Variants in EBF1 observed in about 807,000 individuals in gnomAD.
EBF1 encodes transcription factor COE1.
A neutral mutation model predicts 68.4 loss-of-function variants in EBF1; 10 were observed. That is an observed-to-expected ratio of 0.15 (90% CI 0.09 to 0.25). EBF1 has a LOEUF of 0.25. Among genes scored for constraint, EBF1 ranks in the 10% least tolerant of loss-of-function variants. The probability of loss-of-function intolerance (pLI) is 1.00; values close to 1 mark genes in which losing one functional copy is unlikely to be tolerated. For missense variants in EBF1, 509 were observed against 794.4 expected (o/e 0.64, Z 4.32); for synonymous variants, 298 against 299.8 (o/e 0.99, Z 0.06).
intron 10 of EBF1, among the ~76,000 whole-genome samples, chr5:158,758,866 T>A (rs1056297040): frequency 2.0e-5 from 3 of 152,138 alleles, no homozygotes; most frequent in Non-Finnish European, 4.4e-5. Context: ...CTCAAAAATG[T>A]GGAGCTAGAA....
intron 6 of EBF1, among the ~76,000 whole-genome samples, chr5:158,895,368 A>T (rs1471354640): frequency 2.6e-5 from 4 of 152,340 alleles, no homozygotes; most frequent in African/African-American, 9.6e-5. Flanking sequence ...TCAAAATAAA[A>T]TTGTAACGAT....
intron 10 of EBF1, among the ~76,000 whole-genome samples, chr5:158,769,836 G>A (rs2127649470): frequency 6.6e-6 from 1 of 152,190 alleles, no homozygotes; most frequent in South Asian, 2.1e-4. Flanking sequence ...GGTTCATTTG[G>A]AGTAATATTT....
rs58435135 is a variant in EBF1, at chr5:158,695,988, CAAA to C, written c.*3120_*3122del. On this transcript the variant is annotated 3_prime_UTR_variant, in exon 16 of 16. Transcript: ENST00000313708. The stretch of plus-strand genomic sequence containing the variant: ...AAAGTTTTTACAGCTTGAATTTTTG[CAAA>C]AAAAAAAAAAAAATTTAACAATCTC... The C allele has an allele frequency of 8.6e-5, 13 of 151,312 alleles. No individual in the cohort carries two copies. The highest frequency in any genetic ancestry group is 1.6e-4 in the Non-Finnish European group (11 of 70,634). 9.4% of individuals were successfully genotyped at this position (151,312 alleles called of 1,614,324 possible).
intron 8 of EBF1, among the ~76,000 whole-genome samples, chr5:158,798,881 C>G (rs191108015): frequency 3.3e-5 from 5 of 152,148 alleles, no homozygotes; most frequent in Admixed American, 3.3e-4. Flanking sequence ...TCCCTCCTAC[C>G]TCTACACTCA....
chr5:159,012,248 C>G (rs1764814313), intron 6 of EBF1, among the ~76,000 whole-genome samples: 1 of 151,026 alleles, frequency 6.6e-6, no homozygotes, highest in African/African-American at 2.4e-5. Flanking sequence ...GATCGCGCCA[C>G]TGCATTCTCG....
At chr5:158,803,293 T>C (rs769586955) in intron 8 of EBF1, among the ~76,000 whole-genome samples, 1 of 151,892 alleles carries the variant, frequency 6.6e-6, no homozygotes, top group Admixed American at 6.6e-5. Context: ...AATATTCCAC[T>C]TGGACTCAGC....
chr5:159,064,836 T>G (rs1359965835), intron 6 of EBF1, among the ~76,000 whole-genome samples: 1 of 150,816 alleles, frequency 6.6e-6, no homozygotes, highest in East Asian at 1.9e-4. Context: ...AGGTGAACCC[T>G]TAACCAACTT....
chr5:158,938,004 G>T (rs553265107), intron 6 of EBF1, among the ~76,000 whole-genome samples: 7 of 152,220 alleles, frequency 4.6e-5, no homozygotes, highest in African/African-American at 1.7e-4. Flanking sequence ...TCGTGGACCT[G>T]GCATGTTCAC....
At chr5:159,060,816 G>A (rs927805148) in intron 6 of EBF1, among the ~76,000 whole-genome samples, 2 of 151,984 alleles carry the variant, frequency 1.3e-5, no homozygotes, top group African/African-American at 4.8e-5. Context: ...TTCTATTAAG[G>A]GGACCCACAA....
intron 6 of EBF1, among the ~76,000 whole-genome samples, chr5:158,934,003 T>C (rs1811435545): frequency 6.6e-6 from 1 of 152,214 alleles, no homozygotes; most frequent in African/African-American, 2.4e-5. Context: ...AAAACGAAAC[T>C]TGCCCTCATT....
At chr5:158,916,482 C>T (rs1807212337) in intron 6 of EBF1, among the ~76,000 whole-genome samples, 1 of 152,066 alleles carries the variant, frequency 6.6e-6, no homozygotes, top group Admixed American at 6.5e-5. Flanking sequence ...ATTCTATATG[C>T]CAAACATTGT....
At chr5:158,999,400 C>T (rs980709640) in intron 6 of EBF1, among the ~76,000 whole-genome samples, 3 of 152,246 alleles carry the variant, frequency 2.0e-5, no homozygotes, top group Non-Finnish European at 4.4e-5. Context: ...GAACTCCTTA[C>T]ATCCAGTTAA....
At chr5:158,792,779 TC>T (rs1249204302) in intron 9 of EBF1, among the ~76,000 whole-genome samples, 1 of 152,196 alleles carries the variant, frequency 6.6e-6, no homozygotes, top group East Asian at 1.9e-4. Flanking sequence ...TAGGCATGTA[TC>T]CTTTACTTCA....
At position 159,030,090 on chromosome 5, in the gene EBF1, A is replaced by T. The variant is rs1225282731; in HGVS notation, c.554+43306T>A. Among the ~76,000 whole-genome samples the T allele has an allele frequency of 2.3e-4, 8 of 35,264 alleles. No individual in the cohort carries two copies. The African/African-American group carries it at 3.3e-3, about 15-fold the overall frequency. 23.1% of individuals were successfully genotyped at this position (35,264 alleles called of 152,430 possible). A position where few individuals can be genotyped will look rare whatever the true frequency, so the allele number is the denominator to read the frequency against. ...TCCATTAAACCTAGGCTATGTAGAG[A>T]CACAGAAAAAATATATATATACTTT... On this transcript the variant is annotated intron_variant, in intron 6 of 15. Transcript: ENST00000313708.
At chr5:159,064,880 G>C (rs957158174) in intron 6 of EBF1, among the ~76,000 whole-genome samples, 1 of 137,226 alleles carries the variant, frequency 7.3e-6, no homozygotes, top group Non-Finnish European at 1.6e-5. Flanking sequence ...AAATGAAAAA[G>C]AGACTGCTCT....
At chr5:158,836,381 A>G (rs929686012) in intron 7 of EBF1, among the ~76,000 whole-genome samples, 2 of 147,582 alleles carry the variant, frequency 1.4e-5, no homozygotes, top group Admixed American at 1.3e-4. Flanking sequence ...TACAGAAGAC[A>G]AACAAACAGC....
At chr5:158,764,521 T>C (rs1772212588) in intron 10 of EBF1, among the ~76,000 whole-genome samples, 1 of 152,232 alleles carries the variant, frequency 6.6e-6, no homozygotes, top group South Asian at 2.1e-4. Context: ...TGCTGGGCAC[T>C]GTGAATACAC....
intron 6 of EBF1, among the ~76,000 whole-genome samples, chr5:159,058,778 C>T (rs922238173): frequency 2.0e-5 from 3 of 152,298 alleles, no homozygotes; most frequent in East Asian, 1.9e-4. Context: ...TTAATTTTCA[C>T]GTATCTTAGT....
intron 10 of EBF1, among the ~76,000 whole-genome samples, chr5:158,740,036 G>A (rs1293239585): frequency 1.3e-5 from 2 of 152,194 alleles, no homozygotes; most frequent in Non-Finnish European, 2.9e-5. Context: ...TATCTGACGA[G>A]CTGATCCCTT....
Sources: allele counts gnomAD v4.1 joint callset (sites outside exome capture counted in the v4.1 genomes callset), GRCh38; gene constraint gnomAD v4.1.1; transcripts MANE v1.5; gene names NCBI Gene and HGNC (gene_info 2026-07-23, HGNC 2026-07-21).